The following DPP6 variants were observed in gnomAD, a reference collection of about 807,000 sequenced individuals.
DPP6 encodes the protein A-type potassium channel modulatory protein DPP6.
DPP6 carries 69 observed loss-of-function variants against 122.6 expected under a neutral mutation model. That is an observed-to-expected ratio of 0.56 (90% CI 0.46 to 0.69). The LOEUF (loss-of-function observed/expected upper bound fraction) is 0.69, where lower values mean the gene tolerates loss of function less well. DPP6 is among the 30% of genes least tolerant of loss of function. The pLI is 0.00. For synonymous variants in DPP6, 418 were observed against 433.1 expected (o/e 0.97, Z 0.43); for missense variants, 928 against 1,116.9 (o/e 0.83, Z 2.41).
intron 1 of DPP6, among the ~76,000 whole-genome samples, chr7:154,169,060 A>C (rs1487823925): frequency 2.6e-5 from 4 of 151,180 alleles, no homozygotes; most frequent in Non-Finnish European, 1.5e-5. Flanking sequence ...GCTCAGGTGC[A>C]GCTGAGACCC....
intron 1 of DPP6, among the ~76,000 whole-genome samples, chr7:154,426,886 G>A (rs1817964281): frequency 6.7e-6 from 1 of 149,224 alleles, no homozygotes; most frequent in African/African-American, 2.5e-5. Context: ...AATTCCAAGA[G>A]AATTATTTGT....
At chr7:154,093,635 T>TGCAC (rs769695059) in intron 1 of DPP6, 2 of 145,248 alleles carry the variant, frequency 1.4e-5, no homozygotes, top group Non-Finnish European at 3.0e-5. Context: ...ACACACACCA[T>TGCAC]ACACACACAC....
rs185204129 is a variant in DPP6, at chr7:154,617,337, G to A, written c.628-20484G>A. ...AAATGTATTGTTGGCAATTGTTTTTGTGTGCAGTTAAGGATCCTGGAATTA... is the reference window on the plus strand; with the variant it reads ...AAATGTATTGTTGGCAATTGTTTTTATGTGCAGTTAAGGATCCTGGAATTA... On this transcript the variant is annotated intron_variant, in intron 5 of 25. Transcript: ENST00000377770. Among the ~76,000 whole-genome samples, 319 of 152,330 alleles carry A rather than the reference G, an allele frequency of 2.1e-3. 1 individual carries two copies. Among genetic ancestry groups the A allele is most frequent in the African/African-American group, 7.2e-3 (300 of 41,574 alleles).
At chr7:154,648,078 C>T (rs187439825) in intron 6 of DPP6, among the ~76,000 whole-genome samples, 10 of 136,814 alleles carry the variant, frequency 7.3e-5, no homozygotes, top group African/African-American at 2.7e-4. Context: ...TGGTGAAACC[C>T]CGTCTCTATT....
At chr7:153,811,487 G>A in the DPP6 span, among the ~76,000 whole-genome samples, 1 of 152,238 alleles carries the variant, frequency 6.6e-6, no homozygotes, top group Non-Finnish European at 1.5e-5. Context: ...CAAAATTTGA[G>A]TCGTCCACTT....
intron 3 of DPP6, among the ~76,000 whole-genome samples, chr7:154,510,936 GCACACACA>G (rs3056506): frequency 0.22 from 32,346 of 145,032 alleles, 3,710 homozygotes; most frequent in Middle Eastern, 0.32. Flanking sequence ...ACACACACAT[GCACACACA>G]CACACACACA....
At chr7:153,785,086 G>GT in the DPP6 span, among the ~76,000 whole-genome samples, 1 of 152,086 alleles carries the variant, frequency 6.6e-6, no homozygotes, top group Non-Finnish European at 1.5e-5. Flanking sequence ...TGTTGTTACT[G>GT]TTTTTCTGTT....
At chr7:154,793,201 C>T (rs1236429503) in intron 10 of DPP6, among the ~76,000 whole-genome samples, 2 of 152,140 alleles carry the variant, frequency 1.3e-5, no homozygotes, top group African/African-American at 4.8e-5. Context: ...AACAGTAGAT[C>T]TCATTATAGA....
intron 16 of DPP6, 78 bp downstream of exon 16, chr7:154,807,190 G>C: frequency 3.2e-6 from 5 of 1,549,482 alleles, no homozygotes; most frequent in Non-Finnish European, 4.3e-6. Flanking sequence ...CACTTGCAGG[G>C]AGGGGGCAGC....
chr7:154,612,214 A>C (rs6975262), intron 5 of DPP6, among the ~76,000 whole-genome samples: 61,456 of 151,948 alleles, frequency 0.4, 13,435 homozygotes, highest in East Asian at 0.65. Context: ...AGACTGTGAT[A>C]TCCTGTTTTA....
At chr7:154,305,191 T>A in intron 1 of DPP6, 1 of 1,049,466 alleles carries the variant, frequency 9.5e-7, no homozygotes, top group East Asian at 6.4e-5. Context: ...CAGCCGCCAC[T>A]TGCCGGTTGC....
chr7:153,913,821 G>C (rs192892437), intron 1 of DPP6, among the ~76,000 whole-genome samples: 70 of 152,296 alleles, frequency 4.6e-4, no homozygotes, highest in African/African-American at 1.6e-3. Context: ...CTGAGTAAGG[G>C]GGGGAAGAGG....
chr7:153,771,523 A>G, the DPP6 span, among the ~76,000 whole-genome samples: 1 of 152,090 alleles, frequency 6.6e-6, no homozygotes, highest in Non-Finnish European at 1.5e-5. Context: ...TATTTTTAGT[A>G]GAGACAAGGT....
At chr7:154,381,063 C>G (rs1813557559) in intron 1 of DPP6, among the ~76,000 whole-genome samples, 1 of 152,144 alleles carries the variant, frequency 6.6e-6, no homozygotes, top group Non-Finnish European at 1.5e-5. Context: ...TGGGGCTTCT[C>G]TGCCATGAGG....
At chr7:154,591,172 A>G (rs1253288897) in intron 5 of DPP6, among the ~76,000 whole-genome samples, 1 of 152,258 alleles carries the variant, frequency 6.6e-6, no homozygotes, top group Non-Finnish European at 1.5e-5. Context: ...AGGAGAGCCC[A>G]ATGGCTAGAA....
chr7:153,835,133 T>G, the DPP6 span, among the ~76,000 whole-genome samples: 1 of 152,214 alleles, frequency 6.6e-6, no homozygotes, highest in Non-Finnish European at 1.5e-5. Flanking sequence ...GAAAACTGAA[T>G]TTATTTCTGT....
chr7:154,306,546 G>A (rs1170029091), intron 1 of DPP6, among the ~76,000 whole-genome samples: 1 of 152,176 alleles, frequency 6.6e-6, no homozygotes, highest in Non-Finnish European at 1.5e-5. Context: ...GACCTCTTTA[G>A]AGTTCAGGAA....
chr7:154,062,137 AGACCCTCATCCCCCACCGGCTTAG>A lies in DPP6; in HGVS notation c.243+9080_243+9103del, dbSNP rs1283931925. On this transcript the variant is annotated intron_variant, in intron 1 of 25. Coordinates refer to ENST00000377770, the MANE Select transcript of DPP6 (RefSeq NM_130797.4). ...CCCCGCGAGGCGGGGACTGAGAGCC[AGACCCTCATCCCCCACCGGCTTAG>A]GACCCACATCGTTGATCCTAAGATC... 2.0e-5 allele frequency among the ~76,000 whole-genome samples: 2 copies of A among 100,326 alleles called. 1 individual carries two copies. Among genetic ancestry groups the A allele is most frequent in the Non-Finnish European group, 4.3e-5 (2 of 46,470 alleles). The allele number at this position is 100,326 out of a possible 152,430, so 65.8% of individuals were successfully genotyped here.
At chr7:154,262,520 G>A (rs372811881) in intron 1 of DPP6, among the ~76,000 whole-genome samples, 1 of 152,226 alleles carries the variant, frequency 6.6e-6, no homozygotes. Flanking sequence ...AGCCCAGCCG[G>A]CTCCTTGATC....
Sources: allele counts gnomAD v4.1 joint callset (sites outside exome capture counted in the v4.1 genomes callset), GRCh38; gene constraint gnomAD v4.1.1; transcripts MANE v1.5; gene names NCBI Gene and HGNC (gene_info 2026-07-23, HGNC 2026-07-21).